DCAF13: variants seen among roughly 807,000 people sequenced by gnomAD.
The protein encoded by DCAF13 is DDB1 and CUL4 associated factor 13, also known as DDB1- and CUL4-associated factor 13.
DCAF13 carries 38 observed loss-of-function variants against 59.0 expected under a neutral mutation model. That is an observed-to-expected ratio of 0.64 (90% CI 0.50 to 0.84). DCAF13 has a LOEUF of 0.84. Ranked by LOEUF, DCAF13 falls within the 40% of genes least tolerant of loss-of-function variation. The pLI is 0.00. For missense variants in DCAF13, 469 were observed against 558.4 expected (o/e 0.84, Z 1.61); for synonymous variants, 173 against 175.0 (o/e 0.99, Z 0.09).
intron 1 of DCAF13, among the ~76,000 whole-genome samples, chr8:103,415,840 C>T (rs1224989334): frequency 6.6e-6 from 1 of 152,176 alleles, no homozygotes; most frequent in African/African-American, 2.4e-5. Context: ...GAGCCAAACT[C>T]GTGGGTTGAA....
At chr8:103,419,425 A>C (rs1279092400) in intron 1 of DCAF13, among the ~76,000 whole-genome samples, 3 of 152,216 alleles carry the variant, frequency 2.0e-5, no homozygotes, top group Non-Finnish European at 4.4e-5. Flanking sequence ...CTGGCACTTG[A>C]ACTCTTATGT....
At chr8:103,441,681 A>G (rs1817012725) in intron 10 of DCAF13, 63 bp downstream of exon 10, 5 of 1,479,812 alleles carry the variant, frequency 3.4e-6, no homozygotes, top group South Asian at 1.2e-5. Context: ...CTCACCAAAA[A>G]CAAAGTTAAC....
intron 3 of DCAF13, among the ~76,000 whole-genome samples, chr8:103,422,503 G>C: frequency 6.6e-6 from 1 of 152,298 alleles, no homozygotes; most frequent in South Asian, 2.1e-4. Flanking sequence ...ATCTGTGAAT[G>C]AGCATAGTGT....
chr8:103,418,095 T>C (rs1816650435), intron 1 of DCAF13, among the ~76,000 whole-genome samples: 1 of 150,092 alleles, frequency 6.7e-6, no homozygotes, highest in African/African-American at 2.5e-5. Flanking sequence ...GCCACTGCAC[T>C]CCAGCCTGGG....
chr8:103,418,713 G>C (rs1409385071), intron 1 of DCAF13, among the ~76,000 whole-genome samples: 1 of 150,210 alleles, frequency 6.7e-6, no homozygotes, highest in Non-Finnish European at 1.5e-5. Flanking sequence ...ACCATTACCA[G>C]GGAGTCAGAA....
intron 4 of DCAF13, among the ~76,000 whole-genome samples, chr8:103,426,436 A>T (rs1816793927): frequency 6.6e-6 from 1 of 152,078 alleles, no homozygotes; most frequent in African/African-American, 2.4e-5. Flanking sequence ...GGAGAAAAAG[A>T]TAGAAGTTCA....
intron 3 of DCAF13, 62 bp from the exon 4 acceptor site, chr8:103,425,994 G>A: frequency 5.3e-6 from 6 of 1,127,266 alleles, no homozygotes; most frequent in Non-Finnish European, 8.1e-6. Context: ...GATATGTGTT[G>A]GCAAGTTTTA....
chr8:103,426,138 T>G lies in DCAF13; in HGVS notation c.461T>G (p.Leu154Ter), dbSNP rs200175003. 1 of 1,604,364 alleles carries G rather than the reference T, an allele frequency of 6.2e-7. No individual in the cohort carries two copies. The highest frequency in any genetic ancestry group is 8.5e-7 in the Non-Finnish European group (1 of 1,173,194). The change falls in exon 4 of 11, where the codon TTA (leucine) becomes TGA (stop). Residue 154 changes from leucine to a stop codon, truncating the protein, a stop_gained. Transcript: ENST00000612750. LOFTEE classifies it high-confidence loss of function. ...GDEEEPLHTILGKTVYTGIDH... is the reference protein window; with the variant it reads ...GDEEEPLHTI Reference sequence around the variant, plus strand: ...GAGGAAGAGCCATTACATACAATATTAGGAAAGGTACAAAAGTAAATTGAC... The same window carrying G: ...GAGGAAGAGCCATTACATACAATATGAGGAAAGGTACAAAAGTAAATTGAC...
Position 103,441,443 on chromosome 8 carries a change from G to T in DCAF13, c.1087-12G>T. 1 of 1,578,614 alleles carries T rather than the reference G, an allele frequency of 6.3e-7. No homozygotes were observed. The highest frequency in any genetic ancestry group is 8.6e-7 in the Non-Finnish European group (1 of 1,169,404). On this transcript the variant is annotated splice_polypyrimidine_tract_variant and intron_variant, in intron 9 of 10. Transcript: ENST00000612750. ...ACACTATTCATTAAGATACCAAAAT[G>T]TGTATTTTCAGCTTACATCACGAGA... is the stretch of plus-strand genomic sequence containing the variant.
intron 4 of DCAF13, among the ~76,000 whole-genome samples, chr8:103,426,562 G>T (rs1465588107): frequency 6.6e-6 from 1 of 152,132 alleles, no homozygotes; most frequent in Non-Finnish European, 1.5e-5. Context: ...TATGCATCAT[G>T]TATAAATCTT....
In DCAF13 at chr8:103,425,912, A is replaced by T. The variant is rs139663657; in HGVS notation, c.379-144A>T. 7.9e-4 allele frequency: 486 copies of T among 614,282 alleles called. 5 individuals are homozygous for T. Among genetic ancestry groups the T allele is most frequent in the African/African-American group, 7.4e-3 (398 of 53,592 alleles). 38.1% of individuals were successfully genotyped at this position (614,282 alleles called of 1,614,324 possible). ...CAAATCTTTACTAAAACAAGGTGGG[A>T]TATAAATGGATCAATAAGTGTAATA... On this transcript the variant is annotated intron_variant, in intron 3 of 10. Coordinates refer to ENST00000612750, the MANE Select transcript of DCAF13 (RefSeq NM_015420.7).
chr8:103,429,237 A>G (rs998880542), intron 5 of DCAF13: 7 of 152,204 alleles, frequency 4.6e-5, no homozygotes, highest in African/African-American at 1.7e-4. Context: ...AGGCGACATA[A>G]TGAGAAGCCA....
chr8:103,433,997 A>T (rs887580338), intron 7 of DCAF13, among the ~76,000 whole-genome samples: 2 of 152,122 alleles, frequency 1.3e-5, no homozygotes, highest in Non-Finnish European at 2.9e-5. Flanking sequence ...TGTCCTCGGA[A>T]TTTCTCATTC....
chr8:103,439,212 C>T (rs1035370168), intron 8 of DCAF13, among the ~76,000 whole-genome samples: 7 of 151,586 alleles, frequency 4.6e-5, no homozygotes, highest in African/African-American at 1.7e-4. Context: ...CACCTGGTCT[C>T]GATCTCCTGA....
At chr8:103,425,537 T>C (rs1816776435) in intron 3 of DCAF13, among the ~76,000 whole-genome samples, 1 of 152,142 alleles carries the variant, frequency 6.6e-6, no homozygotes, top group Non-Finnish European at 1.5e-5. Context: ...AGGCCCAAAG[T>C]TCACAGTTTG....
intron 9 of DCAF13, 75 bp from the exon 10 acceptor site, chr8:103,441,379 AG>A: frequency 7.2e-7 from 1 of 1,379,604 alleles, no homozygotes; most frequent in Non-Finnish European, 9.8e-7. Context: ...TAGGGGGAAA[AG>A]GGTGCTTTCT....
intron 6 of DCAF13, among the ~76,000 whole-genome samples, chr8:103,431,116 A>G (rs1268334098): frequency 2.0e-5 from 3 of 152,196 alleles, no homozygotes. Flanking sequence ...AACCAGCTTT[A>G]TTTGTTCAGT....
intron 8 of DCAF13, chr8:103,439,383 C>CTTTTTTTTTT (rs34676422): frequency 4.7e-5 from 4 of 85,790 alleles, no homozygotes; most frequent in Non-Finnish European, 6.5e-5. Context: ...TTTAATTAAG[C>CTTTTTTTTTT]TTTTTTTTTT....
chr8:103,431,278 C>A (rs1199772658), intron 6 of DCAF13, among the ~76,000 whole-genome samples: 2 of 152,124 alleles, frequency 1.3e-5, no homozygotes, highest in African/African-American at 4.8e-5. Flanking sequence ...GAGACAGATA[C>A]TGTCTGTAAG....
Sources: gnomAD v4.1 joint callset for allele counts (sites outside exome capture counted in the v4.1 genomes callset) on GRCh38, gnomAD v4.1.1 for gene constraint, MANE v1.5 for transcripts, NCBI Gene and HGNC (gene_info 2026-07-23, HGNC 2026-07-21) for gene names.